The following DOP1B variants were observed in gnomAD, a reference collection of about 807,000 sequenced individuals.
DOP1B encodes DOP1 leucine zipper like protein B.
A neutral mutation model predicts 233.5 loss-of-function variants in DOP1B; 174 were observed. That is an observed-to-expected ratio of 0.75 (90% confidence interval 0.66 to 0.85). DOP1B has a LOEUF of 0.85. DOP1B is among the 40% of genes least tolerant of loss of function. DOP1B has a pLI of 0.00. For synonymous variants in DOP1B, 1,190 were observed against 1,185.6 expected (o/e 1.00, Z -0.08); for missense variants, 2,652 against 2,846.6 (o/e 0.93, Z 1.56).
chr21:36,200,788 A>C (rs568389060), intron 4 of DOP1B, among the ~76,000 whole-genome samples: 15 of 151,394 alleles, frequency 9.9e-5, no homozygotes, highest in Non-Finnish European at 1.9e-4. Context: ...GCTTGCAGTG[A>C]GCCGAGATCG....
At chr21:36,212,138 T>G (rs1330493276) in intron 7 of DOP1B, 41 bp downstream of exon 7, 19 of 1,520,016 alleles carry the variant, frequency 1.2e-5, no homozygotes, top group Non-Finnish European at 1.7e-5. Flanking sequence ...AAAGTTAATA[T>G]GAAACCTTTT....
chr21:36,190,933 T>C (rs2066226556), intron 2 of DOP1B, among the ~76,000 whole-genome samples: 3 of 152,190 alleles, frequency 2.0e-5, no homozygotes, highest in African/African-American at 7.2e-5. Context: ...AATTCCAGTC[T>C]TGGCAGCCCT....
chr21:36,234,026 G>A (rs1022044949), intron 15 of DOP1B, among the ~76,000 whole-genome samples: 2 of 152,004 alleles, frequency 1.3e-5, no homozygotes, highest in Non-Finnish European at 2.9e-5. Flanking sequence ...GCTAATTTTT[G>A]TATTTTTAGT....
In DOP1B at chr21:36,208,798, G is replaced by C; in HGVS notation, c.575G>C (p.Ser192Thr). The C allele has an allele frequency of 6.2e-7, 1 of 1,609,734 alleles. No individual in the cohort carries two copies. The highest frequency in any genetic ancestry group is 8.5e-7 in the Non-Finnish European group (1 of 1,178,048). Reference protein sequence around the residue: ...YTALWGSVLASPSIRLPASVF... With the variant: ...YTALWGSVLATPSIRLPASVF... Reference sequence around the variant, plus strand: ...GCCCTCTGGGGGAGCGTCCTGGCCAGCCCGTCCATCCGCCTCCCTGCCTCA... The same window carrying C: ...GCCCTCTGGGGGAGCGTCCTGGCCACCCCGTCCATCCGCCTCCCTGCCTCA... Residue 192 changes from serine (S) to threonine (T), a missense_variant, in exon 5 of 37, where the codon AGC becomes ACC. Around this residue, in one of 3 missense-constraint regions of DOP1B, gnomAD observed 2,617 missense variants for 2,794.3 expected, o/e 0.94. Transcript: ENST00000691173.
Position 36,281,500 on chromosome 21 carries a change from T to C in DOP1B, c.6049T>C (p.Leu2017=). The change falls in exon 32 of 37, where the codon TTG becomes CTG. Residue 2017 remains leucine, a synonymous_variant. Transcript: ENST00000691173. ...KDLMNMQSSS[L]KLFSSFEQKA... ...TATTCTAGACATGCAGAGCAGTTCT[T>C]TGAAACTATTCTCAAGTTTTGAACA... The C allele has an allele frequency of 6.2e-7, 1 of 1,605,010 alleles. No individual in the cohort carries two copies. Among genetic ancestry groups the C allele is most frequent in the Non-Finnish European group, 8.5e-7 (1 of 1,172,468 alleles).
intron 12 of DOP1B, among the ~76,000 whole-genome samples, 184 bp downstream of exon 12, chr21:36,225,851 A>C (rs1417479632): frequency 6.6e-6 from 1 of 152,198 alleles, no homozygotes; most frequent in Non-Finnish European, 1.5e-5. Context: ...TTAATGTCTT[A>C]TTTAAAAGGG....
At chr21:36,173,495 C>T (rs78527653) in intron 2 of DOP1B, among the ~76,000 whole-genome samples, 1 of 150,234 alleles carries the variant, frequency 6.7e-6, no homozygotes, top group Non-Finnish European at 1.5e-5. Context: ...CGTCTTGGCT[C>T]ACTGCAAGCT....
chr21:36,257,953 GT>G (rs1256799522), intron 23 of DOP1B, among the ~76,000 whole-genome samples: 23 of 92,720 alleles, frequency 2.5e-4, no homozygotes, highest in Non-Finnish European at 3.5e-4. Flanking sequence ...ATAGATGTAG[GT>G]AGATGTAGGT....
rs201452318 is a variant in DOP1B at position 36,245,758 on chromosome 21, G to A, written c.3778G>A (p.Glu1260Lys). The A allele has an allele frequency of 1.8e-4, 285 of 1,613,794 alleles. No individual in the cohort carries two copies. The highest frequency in any genetic ancestry group is 2.3e-4 in the Non-Finnish European group (272 of 1,180,000). ...CAAAACCAACCCTAAGGAATTCATC[G>A]AGGCTGTGTCCAGGACTAGCATGGA... The part of the protein sequence containing the change: ...VLKTNPKEFI[E>K]AVSRTSMDTS... Residue 1260 changes from glutamate (E) to lysine (K), a missense_variant, in exon 19 of 37, where the codon GAG becomes AAG. Transcript: ENST00000691173. The surrounding 1 kb of genome is among the most constrained non-coding windows in gnomAD (Gnocchi z 5.5).
At chr21:36,253,651 A>AAAG in intron 22 of DOP1B, 121 bp from the exon 23 acceptor site, 1 of 1,186,700 alleles carries the variant, frequency 8.4e-7, no homozygotes, top group South Asian at 1.7e-5. Flanking sequence ...AAAAAAAAAA[A>AAAG]AGAGATGAAA....
chr21:36,220,559 G>T (rs575960118), intron 10 of DOP1B, among the ~76,000 whole-genome samples: 1 of 152,220 alleles, frequency 6.6e-6, no homozygotes, highest in East Asian at 1.9e-4. Flanking sequence ...GGAGTGCAGT[G>T]GCGTGAACAT....
chr21:36,214,605 G>C (rs780859837), intron 9 of DOP1B, 49 bp downstream of exon 9: 1 of 1,495,876 alleles, frequency 6.7e-7, no homozygotes, highest in Admixed American at 1.9e-5. Context: ...CAGATTACCT[G>C]TTTTCAGGGA....
At chr21:36,290,939 C>T (rs972387697) in intron 35 of DOP1B, among the ~76,000 whole-genome samples, 1 of 151,634 alleles carries the variant, frequency 6.6e-6, no homozygotes, top group African/African-American at 2.4e-5. Context: ...CACTGCACTC[C>T]AGCCTAGGCA....
chr21:36,173,674 C>T (rs376275380), intron 2 of DOP1B, among the ~76,000 whole-genome samples: 5 of 152,070 alleles, frequency 3.3e-5, no homozygotes, highest in Non-Finnish European at 4.4e-5. Context: ...TCATCCGCCT[C>T]GGCCTCCCAA....
chr21:36,284,401 G>A (rs1169127527), intron 32 of DOP1B, among the ~76,000 whole-genome samples: 1 of 151,020 alleles, frequency 6.6e-6, no homozygotes, highest in Non-Finnish European at 1.5e-5. Flanking sequence ...CTCCTGAGTA[G>A]CTGAGATTAC....
At chr21:36,195,681 A>C (rs1196588446) in intron 2 of DOP1B, among the ~76,000 whole-genome samples, 1 of 152,246 alleles carries the variant, frequency 6.6e-6, no homozygotes, top group East Asian at 1.9e-4. Context: ...TAAATGAGAA[A>C]AAATAGCAAT....
At chr21:36,236,759 TTTTTTCTTTTTC>T (rs1244818486) in intron 15 of DOP1B, among the ~76,000 whole-genome samples, 2 of 148,034 alleles carry the variant, frequency 1.4e-5, no homozygotes, top group East Asian at 4.0e-4. Context: ...CCTTTTTTTC[TTTTTTCTTTTTC>T]TTTTTCTTTT....
At chr21:36,280,434 C>T (rs1227854820) in intron 31 of DOP1B, 88 bp downstream of exon 31, 1 of 919,206 alleles carries the variant, frequency 1.1e-6, no homozygotes, top group South Asian at 1.5e-5. Context: ...CCGAACCCTA[C>T]TCACACTTTC....
chr21:36,211,144 C>T lies in DOP1B; in HGVS notation c.682-409C>T, dbSNP rs574625697. 1.8e-3 allele frequency among the ~76,000 whole-genome samples: 278 copies of T among 152,364 alleles called. 1 individual carries two copies. Among genetic ancestry groups the T allele is most frequent in the African/African-American group, 6.4e-3 (267 of 41,588 alleles). ...GAACTCTGAGCGTTTGTCTGTGGCT[C>T]TAATTTCTTATGCATCTCTAGTCTA... On this transcript the variant is annotated intron_variant, in intron 5 of 36. Transcript: ENST00000691173.
Sources: allele counts gnomAD v4.1 joint callset (sites outside exome capture counted in the v4.1 genomes callset), GRCh38; gene constraint gnomAD v4.1.1; regional missense constraint gnomAD v4.1.1; non-coding constraint Gnocchi (gnomAD v3.1); transcripts MANE v1.5; gene names NCBI Gene and HGNC (gene_info 2026-07-23, HGNC 2026-07-21).